Variants in TMEM232 observed in about 807,000 individuals in gnomAD.
The protein encoded by TMEM232 is transmembrane protein 232.
In TMEM232, 80 loss-of-function variants were observed where a neutral mutation model predicts 78.8. The ratio of observed to expected loss-of-function variants is 1.01; its 90% CI spans 0.85 to 1.22. The LOEUF (loss-of-function observed/expected upper bound fraction) is 1.22. TMEM232 is among the 50% of genes most tolerant of loss of function. The probability of loss-of-function intolerance (pLI) is 0.00; values close to 1 mark genes in which losing one functional copy is unlikely to be tolerated. For synonymous variants in TMEM232, 297 were observed against 254.3 expected (o/e 1.17, Z -1.60); for missense variants, 881 against 742.2 (o/e 1.19, Z -2.17).
At chr5:110,661,393 T>A (rs1580553725) in intron 2 of TMEM232, among the ~76,000 whole-genome samples, 2 of 145,266 alleles carry the variant, frequency 1.4e-5, no homozygotes, top group East Asian at 4.1e-4. Context: ...CTCACGGCAA[T>A]CTCTACCTCT....
chr5:110,697,997 T>C (rs919353267), intron 1 of TMEM232, among the ~76,000 whole-genome samples: 4 of 152,168 alleles, frequency 2.6e-5, no homozygotes, highest in African/African-American at 7.2e-5. Context: ...CGTATGTTTA[T>C]TGTGGCACTA....
downstream of TMEM232, among the ~76,000 whole-genome samples, chr5:110,416,573 A>G (rs1447853624): frequency 6.6e-6 from 1 of 152,208 alleles, no homozygotes. Flanking sequence ...CCAATCAGCT[A>G]ACTTTGAAAT....
chr5:110,444,992 A>G (rs1759487120), intron 12 of TMEM232, among the ~76,000 whole-genome samples: 1 of 151,662 alleles, frequency 6.6e-6, no homozygotes, highest in Non-Finnish European at 1.5e-5. Context: ...TTCAACTTCC[A>G]CTATTGTGTT....
chr5:110,676,517 C>G (rs1792046615), intron 1 of TMEM232, among the ~76,000 whole-genome samples: 1 of 151,690 alleles, frequency 6.6e-6, no homozygotes, highest in South Asian at 2.1e-4. Context: ...GCGATCCTCC[C>G]GCTTTGGCCG....
At chr5:110,470,141 C>CTTGT (rs1762516134) in intron 12 of TMEM232, among the ~76,000 whole-genome samples, 1 of 152,088 alleles carries the variant, frequency 6.6e-6, no homozygotes, top group Non-Finnish European at 1.5e-5. Flanking sequence ...TCTAATGAAC[C>CTTGT]TTGTTGGTTC....
chr5:110,575,547 G>T (rs1777477584), intron 10 of TMEM232, among the ~76,000 whole-genome samples: 1 of 152,034 alleles, frequency 6.6e-6, no homozygotes, highest in Admixed American at 6.6e-5. Flanking sequence ...AGCAGCTAAG[G>T]TGTGTGGCTC....
At chr5:110,571,005 C>G (rs1343962096) in intron 10 of TMEM232, among the ~76,000 whole-genome samples, 3 of 151,970 alleles carry the variant, frequency 2.0e-5, no homozygotes, top group Non-Finnish European at 4.4e-5. Flanking sequence ...CTTGTATAAA[C>G]TTTTCACTTA....
intron 5 of TMEM232, among the ~76,000 whole-genome samples, chr5:110,630,726 G>C (rs555884261): frequency 2.6e-5 from 4 of 152,112 alleles, no homozygotes; most frequent in Non-Finnish European, 5.9e-5. Flanking sequence ...CCCAGTCTCA[G>C]GTACTTCTTT....
chr5:110,645,577 A>C (rs532047468), intron 2 of TMEM232, among the ~76,000 whole-genome samples: 22 of 151,736 alleles, frequency 1.4e-4, no homozygotes, highest in African/African-American at 4.8e-4. Context: ...TTTACTTTAC[A>C]GAATAAAGAC....
chr5:110,722,946 G>A (rs181469590), intron 1 of TMEM232, among the ~76,000 whole-genome samples: 68 of 152,264 alleles, frequency 4.5e-4, no homozygotes, highest in Admixed American at 1.5e-3. Context: ...ATATTTTCAT[G>A]AGAGAGACTG....
At chr5:110,434,679 G>C (rs1758227745) in intron 12 of TMEM232, among the ~76,000 whole-genome samples, 1 of 152,040 alleles carries the variant, frequency 6.6e-6, no homozygotes, top group Non-Finnish European at 1.5e-5. Context: ...TAATATCTCT[G>C]ATGAACATAG....
At chr5:110,623,481 G>C (rs1213865164) in intron 7 of TMEM232, among the ~76,000 whole-genome samples, 1 of 152,114 alleles carries the variant, frequency 6.6e-6, no homozygotes, top group Non-Finnish European at 1.5e-5. Context: ...ATAAGGAAAG[G>C]AGATGAGATT....
intron 10 of TMEM232, among the ~76,000 whole-genome samples, chr5:110,596,786 C>G (rs1780223656): frequency 6.6e-6 from 1 of 152,116 alleles, no homozygotes; most frequent in Non-Finnish European, 1.5e-5. Flanking sequence ...TCAATAGATG[C>G]AGAAAAGGCC....
At chr5:110,736,078 A>C (rs1321193486) in intron 1 of TMEM232, among the ~76,000 whole-genome samples, 3 of 152,262 alleles carry the variant, frequency 2.0e-5, no homozygotes, top group Non-Finnish European at 4.4e-5. Context: ...GCCACAATAG[A>C]AACTAATACA....
At chr5:110,622,992 T>TA (rs1554060986) in intron 7 of TMEM232, among the ~76,000 whole-genome samples, 2 of 149,012 alleles carry the variant, frequency 1.3e-5, no homozygotes, top group African/African-American at 4.9e-5. Flanking sequence ...TAAAGTATAA[T>TA]AATAAATAAA....
At chr5:110,716,031 C>T (rs1428775416) in intron 1 of TMEM232, among the ~76,000 whole-genome samples, 2 of 152,068 alleles carry the variant, frequency 1.3e-5, no homozygotes, top group Admixed American at 6.6e-5. Flanking sequence ...TGAGTTGTCC[C>T]ACCTTTCTAG....
At chr5:110,505,871 TTTC>T (rs1290476119) in intron 12 of TMEM232, among the ~76,000 whole-genome samples, 4 of 152,218 alleles carry the variant, frequency 2.6e-5, no homozygotes, top group Non-Finnish European at 5.9e-5. Context: ...CTTTATTTCC[TTTC>T]TTTTTTGTTA....
chr5:110,654,024 G>C (rs530724247), intron 2 of TMEM232, among the ~76,000 whole-genome samples: 4 of 152,270 alleles, frequency 2.6e-5, no homozygotes, highest in Admixed American at 2.0e-4. Flanking sequence ...AAGAGGGAAA[G>C]AAGAAACAGT....
intron 1 of TMEM232, among the ~76,000 whole-genome samples, chr5:110,700,050 T>G (rs1277433156): frequency 1.3e-5 from 2 of 152,064 alleles, no homozygotes; most frequent in Non-Finnish European, 2.9e-5. Context: ...ATCAAAAGGT[T>G]GACTAGAAAA....
Sources: gnomAD v4.1 joint callset for allele counts (sites outside exome capture counted in the v4.1 genomes callset) on GRCh38, gnomAD v4.1.1 for gene constraint, MANE v1.5 for transcripts, NCBI Gene and HGNC (gene_info 2026-07-23, HGNC 2026-07-21) for gene names.